Variants in RGS6 observed in about 807,000 individuals in gnomAD.
RGS6 encodes regulator of G protein signaling 6.
Under a neutral mutation model 78.5 loss-of-function variants are expected in RGS6, and 30 were observed. The ratio of observed to expected loss-of-function variants is 0.38; its 90% CI spans 0.29 to 0.52. The LOEUF (loss-of-function observed/expected upper bound fraction) is 0.52. Ranked by LOEUF, RGS6 falls within the 20% of genes least tolerant of loss-of-function variation. The probability of loss-of-function intolerance (pLI) is 0.85; values close to 1 mark genes in which losing one functional copy is unlikely to be tolerated. For missense variants in RGS6, 495 were observed against 609.7 expected (o/e 0.81, Z 1.98); for synonymous variants, 206 against 206.0 (o/e 1.00, Z 0.00).
At chr14:72,330,614 A>G (rs2074791463) in intron 2 of RGS6, among the ~76,000 whole-genome samples, 1 of 152,056 alleles carries the variant, frequency 6.6e-6, no homozygotes, top group Admixed American at 6.5e-5. Flanking sequence ...TTTTCATATT[A>G]CCTCTGCAGA....
Position 72,457,684 on chromosome 14 carries a change from C to T in RGS6, c.236-587C>T, listed in dbSNP as rs780135516. ...AATATAAGTATTTCTATCAGGTTAG[C>T]CTCTCTCTGTCACTGCCCACTTCAG... On this transcript the variant is annotated intron_variant, in intron 4 of 17. Coordinates refer to ENST00000553525, the MANE Select transcript of RGS6 (RefSeq NM_001204424.2). 6.0e-4 allele frequency among the ~76,000 whole-genome samples: 92 copies of T among 152,282 alleles called. 1 individual carries two copies. Among genetic ancestry groups the T allele is most frequent in the Non-Finnish European group, 1.1e-3 (74 of 68,024 alleles).
chr14:72,000,971 A>AC (rs1391575334), intron 2 of RGS6, among the ~76,000 whole-genome samples: 1 of 152,172 alleles, frequency 6.6e-6, no homozygotes, highest in African/African-American at 2.4e-5. Flanking sequence ...ATATATCCTG[A>AC]TTTCTCCCCA....
At chr14:72,500,845 G>C (rs1197258388) in intron 13 of RGS6, among the ~76,000 whole-genome samples, 5 of 152,198 alleles carry the variant, frequency 3.3e-5, no homozygotes, top group Admixed American at 2.6e-4. Flanking sequence ...TCTGTGCAAG[G>C]CCAGGGAAAT....
At chr14:71,882,215 G>A in the RGS6 span, among the ~76,000 whole-genome samples, 29 of 152,086 alleles carry the variant, frequency 1.9e-4, no homozygotes, top group Admixed American at 1.2e-3. Flanking sequence ...TTTTGTGTCC[G>A]GCTTATTTCA....
rs564777764 is a variant in RGS6 at position 72,436,889 on chromosome 14, C to G, written c.185-17639C>G. 3.3e-5 allele frequency among the ~76,000 whole-genome samples: 5 copies of G among 152,292 alleles called. No individual in the cohort carries two copies. In the South Asian group the frequency reaches 6.2e-4, roughly 19 times the overall value. On this transcript the variant is annotated intron_variant, in intron 3 of 17. Transcript: ENST00000553525. ...TTATTGGAAATCTATGGTGTGGCCT[C>G]TGCAGTGAGTCAGAGTGCAGAGTTG...
At chr14:72,327,944 G>A (rs1047781689) in intron 2 of RGS6, among the ~76,000 whole-genome samples, 1 of 152,040 alleles carries the variant, frequency 6.6e-6, no homozygotes, top group Admixed American at 6.6e-5. Context: ...AGGATTTATT[G>A]TGGGAATTTG....
At chr14:72,082,517 T>C (rs2094866750) in intron 2 of RGS6, among the ~76,000 whole-genome samples, 1 of 152,186 alleles carries the variant, frequency 6.6e-6, no homozygotes, top group Non-Finnish European at 1.5e-5. Context: ...AATTTGTTTA[T>C]TAAACTATTA....
At chr14:72,097,524 C>G (rs2095433760) in intron 2 of RGS6, among the ~76,000 whole-genome samples, 1 of 152,156 alleles carries the variant, frequency 6.6e-6, no homozygotes, top group South Asian at 2.1e-4. Flanking sequence ...TCCAGAGATT[C>G]CTGTCTTGCT....
At chr14:72,193,658 G>C (rs1294594281) in intron 2 of RGS6, among the ~76,000 whole-genome samples, 1 of 152,224 alleles carries the variant, frequency 6.6e-6, no homozygotes, top group Non-Finnish European at 1.5e-5. Context: ...AAGGAGAACA[G>C]AGATAAAGTT....
intron 17 of RGS6, chr14:72,540,366 G>C (rs2097308279): frequency 6.9e-7 from 1 of 1,456,282 alleles, no homozygotes; most frequent in Non-Finnish European, 9.0e-7. Flanking sequence ...ATCTGTTCAG[G>C]GCTTTGAGGA....
intron 2 of RGS6, among the ~76,000 whole-genome samples, chr14:72,296,329 T>C (rs1308976315): frequency 6.6e-6 from 1 of 152,258 alleles, no homozygotes; most frequent in African/African-American, 2.4e-5. Flanking sequence ...TGTGGACATA[T>C]ATTCTCATTT....
At chr14:72,102,121 G>A (rs908353828) in intron 2 of RGS6, among the ~76,000 whole-genome samples, 12 of 152,310 alleles carry the variant, frequency 7.9e-5, no homozygotes, top group African/African-American at 2.6e-4. Context: ...CAGCAAGTCT[G>A]TCTGTCAATC....
chr14:72,209,946 G>A (rs17109096), intron 2 of RGS6, among the ~76,000 whole-genome samples: 8,394 of 152,182 alleles, frequency 0.055, 533 homozygotes, highest in African/African-American at 0.16. Context: ...TTTTATCTGC[G>A]TAATGGTCTT....
intron 12 of RGS6, among the ~76,000 whole-genome samples, chr14:72,489,601 C>T (rs188100746): frequency 5.9e-5 from 9 of 152,092 alleles, no homozygotes; most frequent in Admixed American, 1.3e-4. Context: ...AAAAAGAGAG[C>T]GGATGACACA....
chr14:72,103,343 C>A (rs1288254438), intron 2 of RGS6, among the ~76,000 whole-genome samples: 4 of 152,210 alleles, frequency 2.6e-5, no homozygotes, highest in African/African-American at 9.6e-5. Flanking sequence ...CCCTCAGCCC[C>A]TTGAAATGAT....
At chr14:71,918,976 A>G in the RGS6 span, among the ~76,000 whole-genome samples, 4 of 137,762 alleles carry the variant, frequency 2.9e-5, no homozygotes, top group African/African-American at 1.1e-4. Context: ...TTATGGTTAG[A>G]GAAAATTTTT....
chr14:72,147,418 G>A (rs1185644983), intron 2 of RGS6, among the ~76,000 whole-genome samples: 1 of 152,218 alleles, frequency 6.6e-6, no homozygotes, highest in Non-Finnish European at 1.5e-5. Flanking sequence ...GCATGATCCT[G>A]TGGCAGAAGG....
At chr14:72,042,133 T>C (rs958703078) in intron 2 of RGS6, among the ~76,000 whole-genome samples, 1 of 116,940 alleles carries the variant, frequency 8.6e-6, no homozygotes, top group Non-Finnish European at 1.9e-5. Flanking sequence ...CTTTTTCTTT[T>C]TTTTTTTTTT....
intron 4 of RGS6, among the ~76,000 whole-genome samples, chr14:72,456,802 A>G (rs1361204089): frequency 6.6e-6 from 1 of 152,066 alleles, no homozygotes; most frequent in Admixed American, 6.6e-5. Flanking sequence ...AACCGGCCAG[A>G]CATGGTAGCT....
Sources: gnomAD v4.1 joint callset for allele counts (sites outside exome capture counted in the v4.1 genomes callset) on GRCh38, gnomAD v4.1.1 for gene constraint, MANE v1.5 for transcripts, NCBI Gene and HGNC (gene_info 2026-07-23, HGNC 2026-07-21) for gene names.